Variants in DDO observed in about 807,000 individuals in gnomAD.
DDO encodes the protein D-aspartate oxidase, DDO.
DDO carries 16 observed loss-of-function variants against 16.8 expected under a neutral mutation model. The observed-to-expected ratio is 0.95, with a 90% CI of 0.65 to 1.45. The LOEUF (loss-of-function observed/expected upper bound fraction) is 1.45, where lower values mean the gene tolerates loss of function less well. Among genes scored for constraint, DDO ranks in the 40% most tolerant of loss-of-function variants. The pLI is 0.00. For synonymous variants in DDO, 180 were observed against 167.2 expected (o/e 1.08, Z -0.59); for missense variants, 429 against 420.3 (o/e 1.02, Z -0.18).
chr6:110,413,268 A>C lies in DDO; in HGVS notation c.172+23T>G, dbSNP rs752280100. On this transcript the variant is annotated intron_variant, in intron 2 of 4. Coordinates refer to ENST00000368924, the MANE Select transcript of DDO (RefSeq NM_001372108.2). ...TTCTATCTGACATCTATTGTATCTGATAGAGGAGCTGAAATCTCTCACCTG... is the reference window on the plus strand; with the variant it reads ...TTCTATCTGACATCTATTGTATCTGCTAGAGGAGCTGAAATCTCTCACCTG... 2.5e-6 allele frequency: 4 copies of C among 1,611,864 alleles called. No individual in the cohort carries two copies. The African/African-American group carries it at 4.0e-5, about 16-fold the overall frequency.
chr6:110,400,234 G>A (rs996426051), intron 4 of DDO, among the ~76,000 whole-genome samples: 17 of 152,234 alleles, frequency 1.1e-4, no homozygotes, highest in African/African-American at 4.1e-4. Flanking sequence ...GCAGGAAGAA[G>A]ACATTGTTCA....
chr6:110,413,881 C>A (rs1773950344), intron 1 of DDO, among the ~76,000 whole-genome samples: 1 of 152,162 alleles, frequency 6.6e-6, no homozygotes, highest in African/African-American at 2.4e-5. Context: ...TCAAGCAATT[C>A]TCCTGCCTTA....
chr6:110,404,818 G>A lies in DDO; in HGVS notation c.414C>T (p.Thr138=), dbSNP rs1773593072. The A allele has an allele frequency of 6.2e-7, 1 of 1,614,004 alleles. No homozygotes were observed. Among genetic ancestry groups the A allele is most frequent in the Admixed American group, 1.7e-5 (1 of 59,996 alleles). ...GGTAGGCAGGGCATTCACATTTCAG[G>A]GTTGTAAAAGCCTGACCAAACACAT... is the stretch of plus-strand genomic sequence containing the variant. ...PQYVFGQAFT[T]LKCECPAYLP... is the part of the protein sequence containing the mutation. Residue 138 remains threonine (T), a synonymous_variant, in exon 4 of 5, where the codon ACC becomes ACT. Coordinates refer to ENST00000368924, the MANE Select transcript of DDO (RefSeq NM_001372108.2).
rs1346559351 is a variant in DDO at position 110,413,600 on chromosome 6, G to A, written c.-4-134C>T. On this transcript the variant is annotated intron_variant, in intron 1 of 4. Transcript: ENST00000368924. The stretch of plus-strand genomic sequence containing the variant: ...GACTTAGCCTATTGGTGTTTCTTGT[G>A]AGATAAAGAGGATAACCCCATAAGC... The A allele has an allele frequency of 3.6e-6, 3 of 844,998 alleles. No individual in the cohort carries two copies. In the African/African-American group the frequency reaches 5.1e-5, roughly 14 times the overall value. The allele number at this position is 844,998 out of a possible 1,614,324, so 52.3% of individuals were successfully genotyped here. A position where few individuals can be genotyped will look rare whatever the true frequency, so the allele number is the denominator to read the frequency against.
intron 3 of DDO, among the ~76,000 whole-genome samples, chr6:110,405,990 G>C (rs975023968): frequency 6.6e-6 from 1 of 152,132 alleles, no homozygotes; most frequent in Non-Finnish European, 1.5e-5. Context: ...TCCCCCATCG[G>C]AATATGTATC....
intron 4 of DDO, among the ~76,000 whole-genome samples, chr6:110,399,459 T>G (rs1303697764): frequency 6.6e-6 from 1 of 152,192 alleles, no homozygotes; most frequent in Non-Finnish European, 1.5e-5. Context: ...TGGCGTCCCA[T>G]GTGGGTCGCC....
In DDO at chr6:110,409,983, C is replaced by T. The variant is rs1044578234; in HGVS notation, c.173-1541G>A. Among the ~76,000 whole-genome samples the T allele has an allele frequency of 2.1e-5, 3 of 144,406 alleles. No homozygotes were observed. The Admixed American group carries it at 2.1e-4, about 10-fold the overall frequency. 94.7% of individuals were successfully genotyped at this position (144,406 alleles called of 152,430 possible). ...ATAGCTGGAATGGTGAGAACAATAG[C>T]AAATGCTGATATAGCACTTACTATG... On this transcript the variant is annotated intron_variant, in intron 2 of 4. Transcript: ENST00000368924.
chr6:110,396,488 A>G (rs961312146), intron 4 of DDO, among the ~76,000 whole-genome samples: 13 of 152,236 alleles, frequency 8.5e-5, no homozygotes, highest in Admixed American at 5.2e-4. Context: ...CAATGCTTCA[A>G]ACAACAGAAC....
downstream of DDO, chr6:110,388,808 T>A: frequency 1.0e-6 from 1 of 983,376 alleles, no homozygotes; most frequent in Non-Finnish European, 1.2e-6. Flanking sequence ...TTGTTCTTCA[T>A]GTTCAGAAAA....
chr6:110,409,778 A>G (rs907551938), intron 2 of DDO, among the ~76,000 whole-genome samples: 3 of 152,228 alleles, frequency 2.0e-5, no homozygotes, highest in African/African-American at 7.2e-5. Context: ...AATCTATGCC[A>G]CTGTGTGAGG....
intron 4 of DDO, among the ~76,000 whole-genome samples, chr6:110,396,093 A>ATTGC (rs1402440258): frequency 6.6e-6 from 1 of 152,200 alleles, no homozygotes; most frequent in East Asian, 1.9e-4. Flanking sequence ...AGAGACCAAG[A>ATTGC]TTGCTACTCA....
intron 1 of DDO, among the ~76,000 whole-genome samples, chr6:110,414,067 C>T (rs748021149): frequency 6.6e-5 from 10 of 152,170 alleles, no homozygotes; most frequent in Admixed American, 3.9e-4. Flanking sequence ...CCACCATGCC[C>T]GGCTTCATCC....
At chr6:110,408,094 C>T (rs1450405458) in intron 3 of DDO, among the ~76,000 whole-genome samples, 3 of 152,144 alleles carry the variant, frequency 2.0e-5, no homozygotes, top group African/African-American at 4.8e-5. Flanking sequence ...TGAGGAAACC[C>T]AAAATCAATC....
chr6:110,408,341 C>T lies in DDO; in HGVS notation c.274G>A (p.Val92Ile). The T allele has an allele frequency of 1.2e-6, 2 of 1,613,958 alleles. No homozygotes were observed. The highest frequency in any genetic ancestry group is 1.7e-6 in the Non-Finnish European group (2 of 1,179,916). The change falls in exon 3 of 5, where the codon GTA becomes ATA. Residue 92 changes from valine (V) to isoleucine (I), a missense_variant. Transcript: ENST00000368924. ...TCAAATTTCTTCACTTACCCTGATA[C>T]CAAATGAACACCAGCATCTCCAGCT... is the stretch of plus-strand genomic sequence containing the variant. ...AEAGDAGVHLVSGWQIFQSTP... is the reference protein window; with the variant it reads ...AEAGDAGVHLISGWQIFQSTP...
intron 4 of DDO, among the ~76,000 whole-genome samples, chr6:110,401,868 G>A (rs1208914555): frequency 1.3e-5 from 2 of 152,288 alleles, no homozygotes; most frequent in South Asian, 2.1e-4. Flanking sequence ...AAGAGAAAAA[G>A]TAGTAACCTC....
intron 1 of DDO, 78 bp downstream of exon 1, chr6:110,415,389 G>C: frequency 6.3e-7 from 1 of 1,582,684 alleles, no homozygotes; most frequent in Non-Finnish European, 8.6e-7. Flanking sequence ...ACTGTCCCCT[G>C]ACCCTATTCA....
rs150181759 is a variant in DDO, at chr6:110,408,427, G to C, written c.188C>G (p.Thr63Arg). The C allele has an allele frequency of 3.2e-5, 52 of 1,614,024 alleles. No homozygotes were observed. The highest frequency in any genetic ancestry group is 4.3e-5 in the Non-Finnish European group (51 of 1,180,002). The part of the protein sequence containing the change: ...PHTYPDTPIH[T>R]QKQWFRETFN... ...GGTTTCTCTGAACCACTGCTTCTGC[G>C]TGTGAATGGGTGTATCTGTAATCAT... Residue 63 changes from threonine to arginine, a missense_variant, in exon 3 of 5, where the codon ACG (threonine) becomes AGG (arginine). Thr to Arg is a moderately conservative substitution (Grantham distance 71, BLOSUM62 -1). Transcript: ENST00000368924.
chr6:110,413,117 T>C (rs529153970), intron 2 of DDO, among the ~76,000 whole-genome samples, 174 bp downstream of exon 2: 1 of 152,178 alleles, frequency 6.6e-6, no homozygotes, highest in South Asian at 2.1e-4. Context: ...CACTTTAGCC[T>C]GGGTGACAGA....
chr6:110,408,579 T>A, intron 2 of DDO, 137 bp from the exon 3 acceptor site: 1 of 682,316 alleles, frequency 1.5e-6, no homozygotes, highest in Non-Finnish European at 2.4e-6. Context: ...GGAGGAACAT[T>A]AATATAAAGT....
Sources: gnomAD v4.1 joint callset for allele counts (sites outside exome capture counted in the v4.1 genomes callset) on GRCh38, gnomAD v4.1.1 for gene constraint, MANE v1.5 for transcripts, NCBI Gene and HGNC (gene_info 2026-07-23, HGNC 2026-07-21) for gene names.